TNFRSF19: variants seen among roughly 807,000 people sequenced by gnomAD.
TNFRSF19 encodes TNF receptor superfamily member 19, also known as tumor necrosis factor receptor superfamily member 19.
In TNFRSF19, 27 loss-of-function variants were observed where a neutral mutation model predicts 46.4. That is an observed-to-expected ratio of 0.58 (90% CI 0.43 to 0.80). TNFRSF19 has a LOEUF of 0.80. Among genes scored for constraint, TNFRSF19 ranks in the 30% least tolerant of loss-of-function variants. The pLI is 0.00. For synonymous variants in TNFRSF19, 204 were observed against 205.0 expected (o/e 1.00, Z 0.04); for missense variants, 511 against 530.8 (o/e 0.96, Z 0.37).
intron 4 of TNFRSF19, among the ~76,000 whole-genome samples, 153 bp downstream of exon 4, chr13:23,616,198 G>C (rs1881275950): frequency 3.9e-5 from 6 of 152,182 alleles, no homozygotes; most frequent in Non-Finnish European, 1.5e-5. Flanking sequence ...TTAACCACTG[G>C]ATTATCTGTG....
chr13:23,665,721 A>C (rs1951619374), intron 7 of TNFRSF19, among the ~76,000 whole-genome samples: 1 of 152,216 alleles, frequency 6.6e-6, no homozygotes, highest in African/African-American at 2.4e-5. Flanking sequence ...TCCTAAGAAC[A>C]AGAACATTTT....
intron 5 of TNFRSF19, among the ~76,000 whole-genome samples, chr13:23,632,659 T>G (rs1483630159): frequency 6.6e-6 from 1 of 152,242 alleles, no homozygotes; most frequent in Admixed American, 6.5e-5. Context: ...CAAAGGTTGC[T>G]TATGTGGAAA....
At chr13:23,597,366 A>T (rs189000303) in intron 3 of TNFRSF19, among the ~76,000 whole-genome samples, 36 of 152,248 alleles carry the variant, frequency 2.4e-4, no homozygotes, top group Admixed American at 7.9e-4. Context: ...AATAAAGATG[A>T]AAAGAGAAAA....
At chr13:23,634,336 C>T (rs1377074200) in intron 5 of TNFRSF19, among the ~76,000 whole-genome samples, 1 of 152,202 alleles carries the variant, frequency 6.6e-6, no homozygotes, top group Non-Finnish European at 1.5e-5. Context: ...GATTATTACC[C>T]AGTCACCAAT....
chr13:23,597,273 C>T lies in TNFRSF19; in HGVS notation c.180+3818C>T, dbSNP rs371202937. 2.6e-5 allele frequency among the ~76,000 whole-genome samples: 4 copies of T among 151,274 alleles called. No homozygotes were observed. The East Asian group carries it at 5.8e-4, about 22-fold the overall frequency. On this transcript the variant is annotated intron_variant, in intron 3 of 9. Transcript: ENST00000248484. ...AGCAGAACTGAAGGAGATAGAGACACCAAAAAACCCTTTAAAAATCAATTA... is the reference window on the plus strand; with the variant it reads ...AGCAGAACTGAAGGAGATAGAGACATCAAAAAACCCTTTAAAAATCAATTA...
At chr13:23,608,331 A>G (rs1041420606) in intron 3 of TNFRSF19, among the ~76,000 whole-genome samples, 2 of 152,238 alleles carry the variant, frequency 1.3e-5, no homozygotes. Flanking sequence ...TATGCAACTA[A>G]GATAATATTA....
Position 23,638,594 on chromosome 13 carries a change from G to C in TNFRSF19, c.445+11802G>C, listed in dbSNP as rs3794349. On this transcript the variant is annotated intron_variant, in intron 5 of 9. Transcript: ENST00000248484. ...GACCAAGTGATCTGGAAGCAAGATG[G>C]AAAGAGCAGAAATCAAGTTTGGTTG... Among the ~76,000 whole-genome samples, 65 of 152,308 alleles carry C rather than the reference G, an allele frequency of 4.3e-4. 1 individual carries two copies. In the East Asian group the frequency reaches 0.012, roughly 29 times the overall value.
At chr13:23,572,892 T>A (rs1877718625) in intron 1 of TNFRSF19, among the ~76,000 whole-genome samples, 1 of 152,228 alleles carries the variant, frequency 6.6e-6, no homozygotes. Flanking sequence ...GTTGCTTCAA[T>A]GGCAGCTTTG....
In TNFRSF19 at chr13:23,586,077, C is replaced by T. The variant is rs907961224; in HGVS notation, c.-34-4073C>T. 3.8e-4 allele frequency among the ~76,000 whole-genome samples: 58 copies of T among 151,568 alleles called. 1 individual carries two copies. The South Asian group carries it at 0.011, about 30-fold the overall frequency. ...CAAGGTCAGGAGATCGAGACCACGG[C>T]GAAACCCCGTCTCTACTAAAAATAC... is the stretch of plus-strand genomic sequence containing the variant. On this transcript the variant is annotated intron_variant, in intron 1 of 9. Coordinates refer to ENST00000248484, the MANE Select transcript of TNFRSF19 (RefSeq NM_148957.4).
At chr13:23,579,955 C>T (rs1353340938) in intron 1 of TNFRSF19, among the ~76,000 whole-genome samples, 1 of 152,208 alleles carries the variant, frequency 6.6e-6, no homozygotes, top group African/African-American at 2.4e-5. Context: ...GTCTCGGGGC[C>T]GCATCCCGGA....
At chr13:23,669,885 A>G (rs1402198883) in intron 9 of TNFRSF19, among the ~76,000 whole-genome samples, 1 of 152,126 alleles carries the variant, frequency 6.6e-6, no homozygotes, top group Non-Finnish European at 1.5e-5. Context: ...GTTCTAGGAG[A>G]AAAGTGTCAA....
At position 23,659,446 on chromosome 13, in the gene TNFRSF19, T is replaced by C. The variant is rs933663528; in HGVS notation, c.610+232T>C. ...AAACTTAACTACTAATAGCCTATTG[T>C]TGACGGGAAGCCTTACTGATAAACA... is the stretch of plus-strand genomic sequence containing the variant. On this transcript the variant is annotated intron_variant, in intron 6 of 9. Coordinates refer to ENST00000248484, the MANE Select transcript of TNFRSF19 (RefSeq NM_148957.4). The surrounding 1 kb of genome is among the most constrained non-coding windows in gnomAD (Gnocchi z 4.9). Among the ~76,000 whole-genome samples, 3 of 152,198 alleles carry C rather than the reference T, an allele frequency of 2.0e-5. No homozygotes were observed. Among genetic ancestry groups the C allele is most frequent in the Admixed American group, 6.5e-5 (1 of 15,286 alleles).
At chr13:23,638,730 C>G (rs1000341255) in intron 5 of TNFRSF19, among the ~76,000 whole-genome samples, 1 of 152,164 alleles carries the variant, frequency 6.6e-6, no homozygotes, top group African/African-American at 2.4e-5. Context: ...TTCAGGATCC[C>G]TCTTACTGCC....
At chr13:23,643,643 A>G (rs1216597923) in intron 5 of TNFRSF19, among the ~76,000 whole-genome samples, 5 of 152,354 alleles carry the variant, frequency 3.3e-5, no homozygotes, top group Admixed American at 6.5e-5. Context: ...CAGGCTGAGG[A>G]TGGCAATAAA....
In TNFRSF19 at chr13:23,615,966, G is replaced by T. The variant is rs1301871006; in HGVS notation, c.280G>T (p.Asp94Tyr). ...WGFQKCKPCL[D>Y]CAVVNRFQKA... ...CTTCCAGAAATGCAAGCCCTGTCTG[G>T]ACTGCGCAGTGGTGAACCGCTTTCA... is the stretch of plus-strand genomic sequence containing the variant. The change falls in exon 4 of 10, where the codon GAC becomes TAC. Residue 94 changes from aspartate to tyrosine, a missense_variant. By Grantham distance (160) the Asp-to-Tyr change is radical (BLOSUM62 -3). Around this residue, in one of 3 missense-constraint regions of TNFRSF19, gnomAD observed 121 missense variants for 124.1 expected, o/e 0.98. Transcript: ENST00000248484. 1 of 1,614,072 alleles carries T rather than the reference G, an allele frequency of 6.2e-7. No homozygotes were observed. The highest frequency in any genetic ancestry group is 1.7e-5 in the Admixed American group (1 of 60,030).
At chr13:23,607,207 G>C (rs575854027) in intron 3 of TNFRSF19, among the ~76,000 whole-genome samples, 2 of 152,326 alleles carry the variant, frequency 1.3e-5, no homozygotes, top group South Asian at 4.1e-4. Flanking sequence ...GCCGAGGCAG[G>C]TGGATTGCCT....
intron 3 of TNFRSF19, among the ~76,000 whole-genome samples, 156 bp from the exon 4 acceptor site, chr13:23,615,711 G>A (rs751968098): frequency 6.6e-6 from 1 of 152,230 alleles, no homozygotes; most frequent in Non-Finnish European, 1.5e-5. Context: ...ATTAGCAGTG[G>A]AAGACACATT....
At chr13:23,582,349 T>A (rs190715414) in intron 1 of TNFRSF19, among the ~76,000 whole-genome samples, 2 of 151,308 alleles carry the variant, frequency 1.3e-5, no homozygotes, top group Non-Finnish European at 2.9e-5. Context: ...TGCAGTGAGC[T>A]GAGATCGTGC....
rs796851242 is a variant in TNFRSF19, at chr13:23,571,872, G to GT, written c.-35+1035dup. On this transcript the variant is annotated intron_variant, in intron 1 of 9. Coordinates refer to ENST00000248484, the MANE Select transcript of TNFRSF19 (RefSeq NM_148957.4). ...GTAACACTGTTACTTTGTTCGCGATGTTTTTTTTTTTAATGTTCTAGTCCT... is the reference window on the plus strand; with the variant it reads ...GTAACACTGTTACTTTGTTCGCGATGTTTTTTTTTTTTAATGTTCTAGTCCT... 2.1e-3 allele frequency among the ~76,000 whole-genome samples: 299 copies of GT among 144,358 alleles called. 1 individual carries two copies. Among genetic ancestry groups the GT allele is most frequent in the East Asian group, 0.011 (57 of 4,988 alleles). The allele number at this position is 144,358 out of a possible 152,430, so 94.7% of individuals were successfully genotyped here.
Sources: gnomAD v4.1 joint callset for allele counts (sites outside exome capture counted in the v4.1 genomes callset) on GRCh38, gnomAD v4.1.1 for gene constraint, gnomAD v4.1.1 regional missense constraint, Gnocchi (gnomAD v3.1) non-coding constraint, MANE v1.5 for transcripts, NCBI Gene and HGNC (gene_info 2026-07-23, HGNC 2026-07-21) for gene names.